CCDC178: variants seen among roughly 807,000 people sequenced by gnomAD.
CCDC178 encodes coiled-coil domain-containing protein 178.
A neutral mutation model predicts 117.4 loss-of-function variants in CCDC178; 126 were observed. The observed-to-expected ratio is 1.07, with a 90% CI of 0.93 to 1.24. The LOEUF (loss-of-function observed/expected upper bound fraction) is 1.24. Ranked by LOEUF, CCDC178 falls within the 50% of genes most tolerant of loss-of-function variation. The pLI is 0.00. For synonymous variants in CCDC178, 283 were observed against 313.4 expected (o/e 0.90, Z 1.02); for missense variants, 1,030 against 986.9 (o/e 1.04, Z -0.59).
intron 11 of CCDC178, among the ~76,000 whole-genome samples, chr18:33,321,210 C>T (rs764585051): frequency 5.7e-4 from 86 of 152,190 alleles, no homozygotes; most frequent in Non-Finnish European, 1.1e-3. Context: ...ACACCAAAAG[C>T]GTGGCAACAA....
chr18:33,078,740 C>T (rs1334191354), intron 21 of CCDC178, among the ~76,000 whole-genome samples: 1 of 152,070 alleles, frequency 6.6e-6, no homozygotes, highest in Non-Finnish European at 1.5e-5. Context: ...TGAAATATCT[C>T]TACAATGAGA....
At chr18:33,415,519 G>A (rs1044003877) in intron 2 of CCDC178, among the ~76,000 whole-genome samples, 5 of 151,400 alleles carry the variant, frequency 3.3e-5, no homozygotes, top group African/African-American at 1.2e-4. Context: ...CATGGACACA[G>A]GAAGGGGGAC....
At chr18:32,968,621 C>T (rs1204701089) in intron 22 of CCDC178, among the ~76,000 whole-genome samples, 2 of 152,002 alleles carry the variant, frequency 1.3e-5, no homozygotes, top group South Asian at 2.1e-4. Flanking sequence ...TAGAAAAATC[C>T]AATTTTAGAT....
At chr18:33,213,090 A>G (rs141898039) in intron 19 of CCDC178, among the ~76,000 whole-genome samples, 24 of 152,100 alleles carry the variant, frequency 1.6e-4, no homozygotes, top group Middle Eastern at 3.4e-3. Context: ...TACAACAAAA[A>G]CCACTCTATG....
intron 7 of CCDC178, among the ~76,000 whole-genome samples, chr18:33,354,131 T>C (rs1192256548): frequency 6.6e-6 from 1 of 152,194 alleles, no homozygotes; most frequent in Non-Finnish European, 1.5e-5. Context: ...ACTTCCACAA[T>C]TCCTAATGAA....
In CCDC178 at chr18:33,428,730, C is replaced by CAAA. The variant is rs35234261; in HGVS notation, c.-23+11229_-23+11231dup. ...CTGGCAACAGAGTGAGACTCTGTCT[C>CAAA]AAAAAAAAAAAAAAAAAAAAAAAGA... On this transcript the variant is annotated intron_variant, in intron 2 of 22. Transcript: ENST00000383096. Among the ~76,000 whole-genome samples, 228 of 41,842 alleles carry CAAA rather than the reference C, an allele frequency of 5.4e-3. 3 individuals are homozygous for CAAA. The highest frequency in any genetic ancestry group is 0.016 in the African/African-American group (176 of 11,014). The allele number at this position is 41,842 out of a possible 152,430, so 27.4% of individuals were successfully genotyped here.
At chr18:33,432,697 T>A (rs1266444613) in intron 2 of CCDC178, among the ~76,000 whole-genome samples, 1 of 152,184 alleles carries the variant, frequency 6.6e-6, no homozygotes, top group Non-Finnish European at 1.5e-5. Context: ...TTCATGCCGT[T>A]TCTACCTATG....
chr18:33,037,134 C>T (rs1182073961), intron 21 of CCDC178, among the ~76,000 whole-genome samples: 1 of 151,848 alleles, frequency 6.6e-6, no homozygotes, highest in Non-Finnish European at 1.5e-5. Context: ...AGAGAAAAGC[C>T]TCATAATATA....
intron 21 of CCDC178, among the ~76,000 whole-genome samples, chr18:33,087,024 C>G (rs1389352396): frequency 7.6e-6 from 1 of 131,616 alleles, no homozygotes; most frequent in African/African-American, 2.9e-5. Context: ...AACAAAATAG[C>G]CATTGGTTGA....
At chr18:33,292,954 C>A (rs563342328) in intron 12 of CCDC178, among the ~76,000 whole-genome samples, 1 of 151,868 alleles carries the variant, frequency 6.6e-6, no homozygotes, top group Non-Finnish European at 1.5e-5. Flanking sequence ...TTCTGACTTA[C>A]GAAAAGGTTG....
chr18:33,036,178 A>T (rs9966556), intron 21 of CCDC178, among the ~76,000 whole-genome samples: 14,531 of 151,996 alleles, frequency 0.096, 1,040 homozygotes, highest in African/African-American at 0.19. Flanking sequence ...TATTTTTCAT[A>T]ATCTTTATAT....
At chr18:32,947,597 T>C (rs946258307) in intron 22 of CCDC178, among the ~76,000 whole-genome samples, 24 of 152,202 alleles carry the variant, frequency 1.6e-4, no homozygotes, top group African/African-American at 5.5e-4. Flanking sequence ...TTTTTTAACA[T>C]TTATATTCTG....
At chr18:33,019,743 C>G (rs921853859) in intron 21 of CCDC178, among the ~76,000 whole-genome samples, 1 of 151,942 alleles carries the variant, frequency 6.6e-6, no homozygotes, top group Admixed American at 6.6e-5. Context: ...GTGATAAAAT[C>G]AGGAGACATG....
At chr18:33,134,919 C>T (rs891235040) in intron 20 of CCDC178, among the ~76,000 whole-genome samples, 4 of 151,908 alleles carry the variant, frequency 2.6e-5, no homozygotes, top group African/African-American at 7.3e-5. Context: ...AAAGATATTG[C>T]TTAATTCCTC....
chr18:33,087,794 T>C (rs927903636), intron 21 of CCDC178, among the ~76,000 whole-genome samples: 1 of 152,176 alleles, frequency 6.6e-6, no homozygotes, highest in African/African-American at 2.4e-5. Flanking sequence ...CAACAAGCAA[T>C]ACTAAATACT....
At position 33,390,116 on chromosome 18, in the gene CCDC178, T is replaced by C. The variant is rs553877334; in HGVS notation, c.119-487A>G. 6.1e-4 allele frequency among the ~76,000 whole-genome samples: 92 copies of C among 150,698 alleles called. 1 individual carries two copies. In the South Asian group the frequency reaches 0.018, roughly 29 times the overall value. On this transcript the variant is annotated intron_variant, in intron 4 of 22. Transcript: ENST00000383096. ...TATATAAGTTATGTATGATTTATAA[T>C]TATAAATAAATAAGATATGTAGGAT...
chr18:33,430,015 T>C (rs909659215), intron 2 of CCDC178, among the ~76,000 whole-genome samples: 1 of 152,188 alleles, frequency 6.6e-6, no homozygotes, highest in African/African-American at 2.4e-5. Context: ...TAATGTGACA[T>C]GATAAAAGCA....
Position 32,973,457 on chromosome 18 carries a change from A to C in CCDC178, c.2523+1090T>G, listed in dbSNP as rs191039288. Among the ~76,000 whole-genome samples the C allele has an allele frequency of 1.7e-4, 26 of 152,150 alleles. No homozygotes were observed. The East Asian group carries it at 4.8e-3, about 28-fold the overall frequency. ...TAGTTTGTACTCAAGTTTGTACATA[A>C]ATTTCTACTAAATCTACATGTTTTA... is the stretch of plus-strand genomic sequence containing the variant. On this transcript the variant is annotated intron_variant, in intron 22 of 22. Coordinates refer to ENST00000383096, the MANE Select transcript of CCDC178 (RefSeq NM_001105528.4).
At chr18:32,948,843 C>G (rs1208398145) in intron 22 of CCDC178, among the ~76,000 whole-genome samples, 3 of 151,984 alleles carry the variant, frequency 2.0e-5, no homozygotes, top group Admixed American at 1.3e-4. Context: ...ATTTGGGAGC[C>G]AATCATTCGC....
Sources: gnomAD v4.1 joint callset for allele counts (sites outside exome capture counted in the v4.1 genomes callset) on GRCh38, gnomAD v4.1.1 for gene constraint, MANE v1.5 for transcripts, NCBI Gene and HGNC (gene_info 2026-07-23, HGNC 2026-07-21) for gene names.